The following DMXL1 variants were observed in gnomAD, a reference collection of about 807,000 sequenced individuals.
DMXL1 encodes Dmx like 1, also known as dmX-like protein 1.
In DMXL1, 99 loss-of-function variants were observed where a neutral mutation model predicts 319.2. The ratio of observed to expected loss-of-function variants is 0.31; its 90% CI spans 0.26 to 0.37. The LOEUF (loss-of-function observed/expected upper bound fraction) is 0.37, where lower values mean the gene tolerates loss of function less well. Ranked by LOEUF, DMXL1 falls within the 10% of genes least tolerant of loss-of-function variation. The pLI is 1.00. For missense variants in DMXL1, 3,745 were observed against 3,595.6 expected (o/e 1.04, Z -1.06); for synonymous variants, 1,385 against 1,235.2 (o/e 1.12, Z -2.54).
intron 4 of DMXL1, 133 bp from the exon 5 acceptor site, chr5:119,110,018 C>T: frequency 1.5e-6 from 1 of 671,738 alleles, no homozygotes; most frequent in Non-Finnish European, 2.5e-6. Context: ...ATACAGCCTT[C>T]TCCTCCGTTC....
chr5:119,152,006 C>T lies in DMXL1; in HGVS notation c.4672C>T (p.Pro1558Ser). Residue 1558 changes from proline to serine, a missense_variant, in exon 19 of 44, where the codon CCA becomes TCA. Physicochemically the swap from Pro to Ser is moderately conservative, Grantham distance 74. This residue lies in a region of DMXL1 where 2,096 missense variants were observed against 1,985.4 expected (regional missense o/e 1.06). Transcript: ENST00000539542. Reference protein sequence around the residue: ...RLHTFLTTSLPAYRAQLLHQG... With the variant: ...RLHTFLTTSLSAYRAQLLHQG... ...CCATACCTTTCTTACAACTTCCCTT[C>T]CAGCCTATCGAGCTCAACTCCTTCA... 1 of 1,612,644 alleles carries T rather than the reference C, an allele frequency of 6.2e-7. No homozygotes were observed. Among genetic ancestry groups the T allele is most frequent in the Non-Finnish European group, 8.5e-7 (1 of 1,179,202 alleles).
intron 19 of DMXL1, among the ~76,000 whole-genome samples, chr5:119,152,867 C>T (rs1029030806): frequency 2.0e-5 from 3 of 152,144 alleles, no homozygotes; most frequent in Non-Finnish European, 2.9e-5. Flanking sequence ...GTCTCTTGCT[C>T]GTACCTTATG....
chr5:119,073,954 C>A (rs1211581471), intron 1 of DMXL1, among the ~76,000 whole-genome samples: 1 of 149,956 alleles, frequency 6.7e-6, no homozygotes, highest in African/African-American at 2.5e-5. Flanking sequence ...GTTTCGCTGT[C>A]GTTGCCCAGG....
chr5:119,131,751 A>G (rs1272177313), intron 10 of DMXL1, among the ~76,000 whole-genome samples: 3 of 152,216 alleles, frequency 2.0e-5, no homozygotes, highest in Non-Finnish European at 2.9e-5. Flanking sequence ...TCAGTCCTGT[A>G]TGGCTACTGA....
intron 38 of DMXL1, among the ~76,000 whole-genome samples, chr5:119,225,193 C>G (rs1319241331): frequency 1.3e-5 from 2 of 151,922 alleles, no homozygotes; most frequent in Non-Finnish European, 2.9e-5. Context: ...TTATTTATTA[C>G]CTCATCGTAC....
chr5:119,228,317 A>G (rs1049569119), intron 38 of DMXL1, among the ~76,000 whole-genome samples: 1 of 152,230 alleles, frequency 6.6e-6, no homozygotes. Flanking sequence ...ATCAGGAGAA[A>G]CAATAACCAT....
chr5:119,119,630 C>T (rs556117019), intron 8 of DMXL1, among the ~76,000 whole-genome samples: 1 of 150,758 alleles, frequency 6.6e-6, no homozygotes, highest in Non-Finnish European at 1.5e-5. Context: ...TGGCCTTAGA[C>T]TCCTGAGTAG....
chr5:119,133,607 G>A lies in DMXL1; in HGVS notation c.1683G>A (p.Gln561=), dbSNP rs1339834429. Residue 561 remains glutamine (Q), a synonymous_variant, in exon 12 of 44, where the codon CAG becomes CAA. Coordinates refer to ENST00000539542, the MANE Select transcript of DMXL1 (RefSeq NM_001290321.3). Reference sequence around the variant, plus strand: ...AGAATGTTGACTTGGCTATTCAGCAGGGGAAACAAAAACCTTCTGGCCTCA... The same window carrying A: ...AGAATGTTGACTTGGCTATTCAGCAAGGGAAACAAAAACCTTCTGGCCTCA... ...CTKNVDLAIQ[Q]GKQKPSGLTR... 1 of 1,614,158 alleles carries A rather than the reference G, an allele frequency of 6.2e-7. No individual in the cohort carries two copies. Among genetic ancestry groups the A allele is most frequent in the East Asian group, 2.2e-5 (1 of 44,884 alleles).
rs1307928607 is a variant in DMXL1 at position 119,071,367 on chromosome 5, C to G, written c.-203C>G. On this transcript the variant is annotated 5_prime_UTR_variant, in exon 1 of 44. Coordinates refer to ENST00000539542, the MANE Select transcript of DMXL1 (RefSeq NM_001290321.3). ...CGCGGCGCTCCGCCCTCTCGCCGACCCGCCCCCTCCGGGCCTCGCCCTCCG... is the reference window on the plus strand; with the variant it reads ...CGCGGCGCTCCGCCCTCTCGCCGACGCGCCCCCTCCGGGCCTCGCCCTCCG... 1 of 557,732 alleles carries G rather than the reference C, an allele frequency of 1.8e-6. No homozygotes were observed. Among genetic ancestry groups the G allele is most frequent in the Non-Finnish European group, 3.1e-6 (1 of 320,004 alleles). The allele number at this position is 557,732 out of a possible 1,614,324, so 34.5% of individuals were successfully genotyped here.
intron 35 of DMXL1, among the ~76,000 whole-genome samples, chr5:119,218,451 CTTTAT>C (rs1056155942): frequency 6.0e-5 from 9 of 151,260 alleles, no homozygotes; most frequent in South Asian, 2.1e-4. Flanking sequence ...TTTTATTTTA[CTTTAT>C]TTTATTTTAT....
chr5:119,209,795 A>G (rs1490102716), intron 34 of DMXL1, among the ~76,000 whole-genome samples: 1 of 152,158 alleles, frequency 6.6e-6, no homozygotes, highest in African/African-American at 2.4e-5. Context: ...ATCTTTCTGC[A>G]TGAATTGCCT....
intron 10 of DMXL1, among the ~76,000 whole-genome samples, chr5:119,132,439 G>C (rs1765120744): frequency 6.6e-6 from 1 of 152,166 alleles, no homozygotes; most frequent in Non-Finnish European, 1.5e-5. Context: ...CCAGTACTTT[G>C]GGAGGCCGAG....
chr5:119,238,335 AT>A (rs1248172537), intron 40 of DMXL1, among the ~76,000 whole-genome samples: 1 of 152,120 alleles, frequency 6.6e-6, no homozygotes, highest in African/African-American at 2.4e-5. Flanking sequence ...CTTAAAAAAA[AT>A]CATTTTTTAT....
chr5:119,088,557 G>C (rs112732542), intron 1 of DMXL1, among the ~76,000 whole-genome samples: 4,976 of 152,168 alleles, frequency 0.033, 254 homozygotes, highest in African/African-American at 0.11. Context: ...TGTTTTTCTA[G>C]TCCTCTCTTC....
At position 119,151,793 on chromosome 5, in the gene DMXL1, A is replaced by G; in HGVS notation, c.4595-136A>G. The G allele has an allele frequency of 4.1e-6, 2 of 482,412 alleles. 1 individual carries two copies. Among genetic ancestry groups the G allele is most frequent in the East Asian group, 6.5e-5 (2 of 30,778 alleles). 29.9% of individuals were successfully genotyped at this position (482,412 alleles called of 1,614,324 possible). A position where few individuals can be genotyped will look rare whatever the true frequency, so the allele number is the denominator to read the frequency against. On this transcript the variant is annotated intron_variant, in intron 18 of 43. Coordinates refer to ENST00000539542, the MANE Select transcript of DMXL1 (RefSeq NM_001290321.3). Reference sequence around the variant, plus strand: ...TCTGTAATGTAAAATTCTGTAGAAAAAGATAAATGTTAGAAAATATTTTAC... The same window carrying G: ...TCTGTAATGTAAAATTCTGTAGAAAGAGATAAATGTTAGAAAATATTTTAC...
rs1202138543 is a variant in DMXL1, at chr5:119,175,816, ATTTCTC to A, written c.6758+483_6758+488del. Among the ~76,000 whole-genome samples, 4 of 152,172 alleles carry A rather than the reference ATTTCTC, an allele frequency of 2.6e-5. No homozygotes were observed. In the South Asian group the frequency reaches 8.3e-4, roughly 31 times the overall value. ...ATTGATGTATAGGATATTTCTCTGT[ATTTCTC>A]TTTATGTTATAAAGTTTTACTGAAA... On this transcript the variant is annotated intron_variant, in intron 26 of 43. Coordinates refer to ENST00000539542, the MANE Select transcript of DMXL1 (RefSeq NM_001290321.3).
intron 33 of DMXL1, among the ~76,000 whole-genome samples, chr5:119,204,240 C>T (rs919498601): frequency 5.9e-5 from 9 of 152,124 alleles, no homozygotes; most frequent in East Asian, 1.9e-4. Context: ...CAGGCTCAAG[C>T]GATCCTCCCA....
intron 1 of DMXL1, among the ~76,000 whole-genome samples, chr5:119,084,612 C>T (rs1184285784): frequency 3.9e-5 from 6 of 152,038 alleles, no homozygotes; most frequent in African/African-American, 1.2e-4. Context: ...GCTTGTAATC[C>T]TAGCACTTTG....
intron 10 of DMXL1, among the ~76,000 whole-genome samples, chr5:119,132,289 T>C (rs1765084101): frequency 6.6e-6 from 1 of 152,208 alleles, no homozygotes; most frequent in African/African-American, 2.4e-5. Flanking sequence ...CTTGAGCACA[T>C]GTTTAATAAA....
Sources: gnomAD v4.1 joint callset for allele counts (sites outside exome capture counted in the v4.1 genomes callset) on GRCh38, gnomAD v4.1.1 for gene constraint, gnomAD v4.1.1 regional missense constraint, MANE v1.5 for transcripts, NCBI Gene and HGNC (gene_info 2026-07-23, HGNC 2026-07-21) for gene names.